CNGB3: variants seen among roughly 807,000 people sequenced by gnomAD.
CNGB3 encodes the protein cyclic nucleotide gated channel subunit beta 3.
Under a neutral mutation model 92.8 loss-of-function variants are expected in CNGB3, and 86 were observed. The observed-to-expected ratio is 0.93, with a 90% CI of 0.78 to 1.11. CNGB3 has a LOEUF of 1.11. CNGB3 is among the 50% of genes least tolerant of loss of function. The pLI is 0.00. For synonymous variants in CNGB3, 333 were observed against 332.7 expected (o/e 1.00, Z -0.01); for missense variants, 1,026 against 956.8 (o/e 1.07, Z -0.95).
Position 86,608,459 on chromosome 8 carries a change from G to T in CNGB3, c.1662+3129C>A, listed in dbSNP as rs911015878. Reference sequence around the variant, plus strand: ...CCCGCTACTTAGCAGACTGGGAAAGGGAGTCTCCTTTTCCCTGGGGGAGTT... The same window carrying T: ...CCCGCTACTTAGCAGACTGGGAAAGTGAGTCTCCTTTTCCCTGGGGGAGTT... On this transcript the variant is annotated intron_variant, in intron 14 of 17. Coordinates refer to ENST00000320005, the MANE Select transcript of CNGB3 (RefSeq NM_019098.5). 2.0e-5 allele frequency among the ~76,000 whole-genome samples: 3 copies of T among 152,188 alleles called. No homozygotes were observed. The East Asian group carries it at 5.8e-4, about 29-fold the overall frequency.
chr8:86,591,701 A>T (rs1474812258), intron 15 of CNGB3, among the ~76,000 whole-genome samples: 2 of 152,198 alleles, frequency 1.3e-5, no homozygotes, highest in African/African-American at 4.8e-5. Flanking sequence ...GCCTGTTCTC[A>T]AATCTCCAGC....
rs78198409 is a variant in CNGB3 at position 86,739,620 on chromosome 8, GTTT to G, written c.211+32_211+34del. The G allele has an allele frequency of 3.5e-3, 5,227 of 1,485,358 alleles. 74 individuals are homozygous for G. The African/African-American group carries it at 0.059, about 17-fold the overall frequency. The allele number at this position is 1,485,358 out of a possible 1,614,324, so 92.0% of individuals were successfully genotyped here. ...AGATACATATGTATTTCACTTTTTA[GTTT>G]TTTTTTTTTTTTTTTCAGACTGCAT... On this transcript the variant is annotated intron_variant, in intron 2 of 17. Transcript: ENST00000320005.
intron 3 of CNGB3, among the ~76,000 whole-genome samples, chr8:86,690,249 A>G (rs1418339989): frequency 2.0e-5 from 3 of 152,030 alleles, no homozygotes; most frequent in African/African-American, 4.8e-5. Flanking sequence ...TTTAATGATC[A>G]CCATTCTAAC....
At chr8:86,593,368 A>G (rs1451988316) in intron 15 of CNGB3, among the ~76,000 whole-genome samples, 2 of 152,218 alleles carry the variant, frequency 1.3e-5, no homozygotes, top group South Asian at 4.1e-4. Flanking sequence ...GCTGGAAAAT[A>G]CTGTATCAAA....
intron 3 of CNGB3, among the ~76,000 whole-genome samples, chr8:86,671,643 G>A (rs1161823409): frequency 6.6e-6 from 1 of 152,206 alleles, no homozygotes; most frequent in Non-Finnish European, 1.5e-5. Flanking sequence ...GATTTTACTT[G>A]AGATAAATCC....
rs746764627 is a variant in CNGB3 at position 86,575,976 on chromosome 8, C to G, written c.2258G>C (p.Arg753Thr). The change falls in exon 18 of 18, where the codon AGA becomes ACA. Residue 753 changes from arginine (R) to threonine (T), a missense_variant. Arg to Thr is a moderately conservative substitution (Grantham distance 71, BLOSUM62 -1). Coordinates refer to ENST00000320005, the MANE Select transcript of CNGB3 (RefSeq NM_019098.5). ...AATAGGACTTGCTGTACATTCAGGT[C>G]TGTCCAGTGGCTTCTCTTCTGGCTC... ...GREPEEKPLD[R>T]PECTASPIAV... is the part of the protein sequence containing the mutation. 1.2e-6 allele frequency: 2 copies of G among 1,614,150 alleles called. No homozygotes were observed. The highest frequency in any genetic ancestry group is 4.5e-5 in the East Asian group (2 of 44,870).
chr8:86,733,852 C>T (rs1017491470), intron 2 of CNGB3, among the ~76,000 whole-genome samples: 36 of 152,020 alleles, frequency 2.4e-4, no homozygotes, highest in African/African-American at 7.0e-4. Context: ...AAAAACTGGA[C>T]TTTATTTTAT....
intron 14 of CNGB3, among the ~76,000 whole-genome samples, chr8:86,604,436 A>G (rs1213910022): frequency 6.6e-6 from 1 of 152,200 alleles, no homozygotes; most frequent in Non-Finnish European, 1.5e-5. Context: ...ACACGTGAGT[A>G]CTGTTTGCCT....
At chr8:86,617,751 G>A (rs983662417) in intron 13 of CNGB3, among the ~76,000 whole-genome samples, 66 of 152,152 alleles carry the variant, frequency 4.3e-4, no homozygotes, top group African/African-American at 1.6e-3. Context: ...GGGAAGTCAT[G>A]AGTTAGACGG....
At chr8:86,651,327 C>A (rs1585993253) in intron 7 of CNGB3, among the ~76,000 whole-genome samples, 2 of 151,738 alleles carry the variant, frequency 1.3e-5, no homozygotes, top group Admixed American at 1.3e-4. Context: ...AATTGCCTAA[C>A]AATTTCAAAG....
At chr8:86,691,423 T>C (rs529736604) in intron 3 of CNGB3, among the ~76,000 whole-genome samples, 12 of 152,304 alleles carry the variant, frequency 7.9e-5, no homozygotes, top group Admixed American at 7.8e-4. Flanking sequence ...ATAGAAGTGG[T>C]GAGAGTGGGC....
chr8:86,614,755 C>T (rs906151661), intron 13 of CNGB3, among the ~76,000 whole-genome samples: 1 of 152,142 alleles, frequency 6.6e-6, no homozygotes, highest in Non-Finnish European at 1.5e-5. Flanking sequence ...TGTTCATGGT[C>T]GACCACCTAG....
intron 11 of CNGB3, among the ~76,000 whole-genome samples, chr8:86,629,496 A>G (rs1366278632): frequency 6.6e-6 from 1 of 152,222 alleles, no homozygotes; most frequent in Non-Finnish European, 1.5e-5. Context: ...GGAGTGTGCA[A>G]TAAAAGTTGA....
intron 3 of CNGB3, among the ~76,000 whole-genome samples, chr8:86,680,361 T>C (rs1033718325): frequency 6.6e-6 from 1 of 152,190 alleles, no homozygotes; most frequent in Non-Finnish European, 1.5e-5. Flanking sequence ...ACAGTGTTGA[T>C]GTTAATGAAA....
chr8:86,666,179 T>C lies in CNGB3; in HGVS notation c.852+746A>G, dbSNP rs143412575. Among the ~76,000 whole-genome samples, 4 of 152,364 alleles carry C rather than the reference T, an allele frequency of 2.6e-5. No homozygotes were observed. The East Asian group carries it at 7.7e-4, about 29-fold the overall frequency. ...TATTGAAGTGAACGGTAGACTGTAA[T>C]GTGATAGAAAACAACTGCTTCACAG... On this transcript the variant is annotated intron_variant, in intron 6 of 17. Coordinates refer to ENST00000320005, the MANE Select transcript of CNGB3 (RefSeq NM_019098.5).
chr8:86,715,562 G>A (rs1824836410), intron 3 of CNGB3, among the ~76,000 whole-genome samples: 1 of 151,970 alleles, frequency 6.6e-6, no homozygotes. Flanking sequence ...TTGGATCCCA[G>A]ATCTTCCCTC....
chr8:86,577,461 G>A (rs1821681826), intron 17 of CNGB3, among the ~76,000 whole-genome samples: 1 of 152,248 alleles, frequency 6.6e-6, no homozygotes, highest in South Asian at 2.1e-4. Context: ...TTTTATTCAT[G>A]TAGTTTTGTT....
At chr8:86,592,003 G>T (rs188577227) in intron 15 of CNGB3, among the ~76,000 whole-genome samples, 10 of 152,346 alleles carry the variant, frequency 6.6e-5, no homozygotes, top group African/African-American at 2.4e-4. Context: ...CTCCGTGGGC[G>T]TAGGACCCTC....
chr8:86,672,897 A>G (rs1353712036), intron 3 of CNGB3, among the ~76,000 whole-genome samples: 1 of 152,226 alleles, frequency 6.6e-6, no homozygotes, highest in African/African-American at 2.4e-5. Context: ...CTACTTAAGG[A>G]TGGTAGAGAC....
Sources: gnomAD v4.1 joint callset for allele counts (sites outside exome capture counted in the v4.1 genomes callset) on GRCh38, gnomAD v4.1.1 for gene constraint, MANE v1.5 for transcripts, NCBI Gene and HGNC (gene_info 2026-07-23, HGNC 2026-07-21) for gene names.